Variants in CTNNA2 observed in about 807,000 individuals in gnomAD.
The protein encoded by CTNNA2 is catenin alpha-2.
In CTNNA2, 42 loss-of-function variants were observed where a neutral mutation model predicts 101.0. The observed-to-expected ratio is 0.42, with a 90% CI of 0.32 to 0.54. CTNNA2 has a LOEUF of 0.54. Among genes scored for constraint, CTNNA2 ranks in the 20% least tolerant of loss-of-function variants. CTNNA2 has a pLI of 0.14. For missense variants in CTNNA2, 871 were observed against 1,223.1 expected, an observed-to-expected ratio of 0.71 and a Z score of 4.29; for synonymous variants, 450 against 456.4, an observed-to-expected ratio of 0.99 and a Z score of 0.18.
In CTNNA2 at chr2:79,974,645, T is replaced by C. The variant is rs1030020065; in HGVS notation, c.1056+64848T>C. Among the ~76,000 whole-genome samples the C allele has an allele frequency of 5.9e-5, 9 of 152,296 alleles. No individual in the cohort carries two copies. The South Asian group carries it at 1.9e-3, about 32-fold the overall frequency. ...TTTGATTCACATTCATATATATTTT[T>C]AGAGCAGATATAGGTTGAAGGGTCA... On this transcript the variant is annotated intron_variant, in intron 7 of 18. Transcript: ENST00000402739.
intron 9 of CTNNA2, among the ~76,000 whole-genome samples, chr2:80,438,495 C>G (rs1010615878): frequency 6.6e-6 from 1 of 151,954 alleles, no homozygotes; most frequent in African/African-American, 2.4e-5. Flanking sequence ...GAAGGCTTTA[C>G]ATTTAATTTT....
intron 7 of CTNNA2, among the ~76,000 whole-genome samples, chr2:80,031,511 A>G (rs1436760039): frequency 1.3e-5 from 2 of 152,162 alleles, no homozygotes; most frequent in Non-Finnish European, 1.5e-5. Flanking sequence ...TGTGAGACTT[A>G]TTTACTATCG....
chr2:79,447,355 G>A (rs1164112719), intron 4 of CTNNA2, among the ~76,000 whole-genome samples: 14 of 151,878 alleles, frequency 9.2e-5, no homozygotes, highest in East Asian at 1.9e-4. Flanking sequence ...GAAAAAAATC[G>A]ACATTCATTT....
At chr2:80,156,974 A>G (rs1704028393) in intron 7 of CTNNA2, among the ~76,000 whole-genome samples, 1 of 152,196 alleles carries the variant, frequency 6.6e-6, no homozygotes, top group African/African-American at 2.4e-5. Context: ...GAGAACTGGT[A>G]CTTCTTGCTC....
chr2:80,122,128 G>T (rs956610600), intron 7 of CTNNA2, among the ~76,000 whole-genome samples: 45 of 152,090 alleles, frequency 3.0e-4, no homozygotes, highest in African/African-American at 1.0e-3. Context: ...TTTCTGTAAG[G>T]AATTACGTGG....
intron 7 of CTNNA2, among the ~76,000 whole-genome samples, chr2:80,135,743 G>A (rs1027402655): frequency 1.3e-5 from 2 of 152,240 alleles, no homozygotes; most frequent in African/African-American, 2.4e-5. Context: ...TCCAGAAACT[G>A]CATTGGGAGA....
intron 12 of CTNNA2, among the ~76,000 whole-genome samples, chr2:80,569,961 CA>C (rs1434392870): frequency 1.3e-5 from 2 of 151,704 alleles, no homozygotes; most frequent in Non-Finnish European, 2.9e-5. Flanking sequence ...TAGACATTAC[CA>C]AAGTATTAGA....
intron 3 of CTNNA2, among the ~76,000 whole-genome samples, chr2:79,349,908 T>C (rs1677346521): frequency 6.6e-6 from 1 of 151,880 alleles, no homozygotes; most frequent in South Asian, 2.1e-4. Flanking sequence ...ACCCTGTCTC[T>C]ACTAAAAACA....
intron 7 of CTNNA2, among the ~76,000 whole-genome samples, chr2:80,356,036 GT>G (rs1295058913): frequency 6.6e-6 from 1 of 151,844 alleles, no homozygotes; most frequent in Non-Finnish European, 1.5e-5. Flanking sequence ...TGGCAACTCT[GT>G]TATGTCAATT....
chr2:80,204,556 C>G (rs985877468), intron 7 of CTNNA2, among the ~76,000 whole-genome samples: 2 of 152,208 alleles, frequency 1.3e-5, no homozygotes, highest in African/African-American at 4.8e-5. Flanking sequence ...CTGAGACCAC[C>G]TCAGTCTGGA....
chr2:79,241,881 GGTATT>G (rs1255222699), intron 2 of CTNNA2, among the ~76,000 whole-genome samples: 2 of 138,204 alleles, frequency 1.4e-5, no homozygotes, highest in African/African-American at 5.3e-5. Flanking sequence ...ATCACATTTG[GGTATT>G]TTCTTTTCTT....
In CTNNA2 at chr2:79,989,453, G is replaced by A. The variant is rs78400643; in HGVS notation, c.1056+79656G>A. On this transcript the variant is annotated intron_variant, in intron 7 of 18. Transcript: ENST00000402739. ...GCCTGAGCAACATGGTGAAAATCCC[G>A]TCTATACAAAAACAAACAAACAAAC... Among the ~76,000 whole-genome samples, 640 of 151,826 alleles carry A rather than the reference G, an allele frequency of 4.2e-3. 2 individuals are homozygous for A. Among genetic ancestry groups the A allele is most frequent in the African/African-American group, 0.014 (593 of 41,220 alleles).
At chr2:79,933,747 A>G (rs1346243990) in intron 7 of CTNNA2, among the ~76,000 whole-genome samples, 2 of 152,020 alleles carry the variant, frequency 1.3e-5, no homozygotes, top group African/African-American at 4.8e-5. Flanking sequence ...GAGCCATCGC[A>G]CCCAGCCCTG....
chr2:79,466,516 C>A (rs1670937861), intron 4 of CTNNA2, among the ~76,000 whole-genome samples: 1 of 152,316 alleles, frequency 6.6e-6, no homozygotes, highest in Middle Eastern at 3.4e-3. Context: ...TGTCTGACAG[C>A]TTTGAAGAGA....
intron 2 of CTNNA2, among the ~76,000 whole-genome samples, chr2:79,289,647 A>T (rs1281638029): frequency 6.6e-6 from 1 of 152,208 alleles, no homozygotes; most frequent in African/African-American, 2.4e-5. Context: ...CAGGAGGCTG[A>T]GGCAGGAGAA....
intron 1 of CTNNA2, among the ~76,000 whole-genome samples, chr2:79,543,039 G>T (rs1017274925): frequency 6.6e-6 from 1 of 152,048 alleles, no homozygotes; most frequent in African/African-American, 2.4e-5. Flanking sequence ...ATTTATAAAT[G>T]CTCTGTTTTT....
intron 2 of CTNNA2, among the ~76,000 whole-genome samples, chr2:79,696,886 G>C (rs1684684646): frequency 2.0e-5 from 3 of 152,010 alleles, no homozygotes; most frequent in Non-Finnish European, 2.9e-5. Context: ...GGTTTCAACA[G>C]AGTTCAGATT....
chr2:80,645,172 G>A (rs1326428891), intron 18 of CTNNA2, among the ~76,000 whole-genome samples: 2 of 152,230 alleles, frequency 1.3e-5, no homozygotes, highest in South Asian at 2.1e-4. Flanking sequence ...CATAGCATGC[G>A]ATAGAATTAA....
chr2:79,372,594 T>G (rs1677897315), intron 3 of CTNNA2, among the ~76,000 whole-genome samples: 1 of 151,780 alleles, frequency 6.6e-6, no homozygotes, highest in Admixed American at 6.6e-5. Flanking sequence ...TCAAAACTGG[T>G]GATAGAATAT....
Sources: gnomAD v4.1 joint callset for allele counts (sites outside exome capture counted in the v4.1 genomes callset) on GRCh38, gnomAD v4.1.1 for gene constraint, MANE v1.5 for transcripts, NCBI Gene and HGNC (gene_info 2026-07-23, HGNC 2026-07-21) for gene names.